Variants in UGGT2 observed in about 807,000 individuals in gnomAD.
The protein encoded by UGGT2 is UDP-glucose:glycoprotein glucosyltransferase 2.
A neutral mutation model predicts 192.1 loss-of-function variants in UGGT2; 180 were observed. The observed-to-expected ratio is 0.94, with a 90% confidence interval of 0.83 to 1.06. The LOEUF (loss-of-function observed/expected upper bound fraction) is 1.06, where lower values mean the gene tolerates loss of function less well. UGGT2 is among the 50% of genes least tolerant of loss of function. The pLI is 0.00. For synonymous variants in UGGT2, 580 were observed against 591.0 expected (o/e 0.98, Z 0.27); for missense variants, 1,849 against 1,795.7 (o/e 1.03, Z -0.54).
chr13:95,823,562 G>C (rs1293576122), intron 38 of UGGT2, among the ~76,000 whole-genome samples: 1 of 151,952 alleles, frequency 6.6e-6, no homozygotes, highest in African/African-American at 2.4e-5. Flanking sequence ...TGTTTTGTCT[G>C]ATATAAGAAT....
At chr13:96,036,380 C>T (rs1028548794) in intron 1 of UGGT2, among the ~76,000 whole-genome samples, 3 of 152,010 alleles carry the variant, frequency 2.0e-5, no homozygotes, top group Non-Finnish European at 1.5e-5. Context: ...ATGGGGGTAA[C>T]GACACACACT....
In UGGT2 at chr13:95,900,795, T is replaced by C; in HGVS notation, c.2634+12A>G. ...TCACTGAGAAAAGAGAGCAATAGCT[T>C]TTTCTACTTACTCTCCCATTGCTGA... On this transcript the variant is annotated intron_variant, in intron 22 of 38. Transcript: ENST00000376747. 6.2e-7 allele frequency: 1 copy of C among 1,602,452 alleles called. No homozygotes were observed. The highest frequency in any genetic ancestry group is 8.5e-7 in the Non-Finnish European group (1 of 1,175,482).
rs530195483 is a variant in UGGT2, at chr13:95,969,835, T to C, written c.1335+277A>G. On this transcript the variant is annotated intron_variant, in intron 12 of 38. Coordinates refer to ENST00000376747, the MANE Select transcript of UGGT2 (RefSeq NM_020121.4). ...TTTTAACCATGTATTTGGTGTCTTG[T>C]TGTTATTGTTCATGTGGTTATTCTG... Among the ~76,000 whole-genome samples, 3 of 152,310 alleles carry C rather than the reference T, an allele frequency of 2.0e-5. No homozygotes were observed. In the South Asian group the frequency reaches 6.2e-4, roughly 32 times the overall value.
intron 38 of UGGT2, among the ~76,000 whole-genome samples, chr13:95,817,053 G>A (rs374416838): frequency 5.3e-5 from 8 of 152,080 alleles, no homozygotes; most frequent in African/African-American, 1.7e-4. Flanking sequence ...GCTTGAACCC[G>A]GGAGGTGGAG....
At chr13:95,982,394 C>T (rs1594503555) in intron 10 of UGGT2, among the ~76,000 whole-genome samples, 1 of 152,224 alleles carries the variant, frequency 6.6e-6, no homozygotes, top group Non-Finnish European at 1.5e-5. Flanking sequence ...AAAACGGCAG[C>T]TCCATCTTCC....
rs1328220878 is a variant in UGGT2, at chr13:95,853,588, A to C, written c.4239T>G (p.Tyr1413Ter). The change falls in exon 36 of 39, where the codon TAT becomes TAG. Residue 1413 changes from tyrosine to a stop codon, truncating the protein, a stop_gained. Coordinates refer to ENST00000376747, the MANE Select transcript of UGGT2 (RefSeq NM_020121.4). LOFTEE classifies it high-confidence loss of function. Reference sequence around the variant, plus strand: ...TGTTTGGATCTTGACTGAGAGCTTGATACTGGCTCCTGAGCCTGTCACCTG... The same window carrying C: ...TGTTTGGATCTTGACTGAGAGCTTGCTACTGGCTCCTGAGCCTGTCACCTG... ...IGAGDRLRSQ[Y>*]QALSQDPNSL... The C allele has an allele frequency of 1.2e-6, 2 of 1,611,058 alleles. No homozygotes were observed. Among genetic ancestry groups the C allele is most frequent in the Admixed American group, 1.7e-5 (1 of 59,344 alleles).
In UGGT2 at chr13:95,926,035, G is replaced by GT. The variant is rs2049005657; in HGVS notation, c.2201-262dup. On this transcript the variant is annotated intron_variant, in intron 19 of 38. Transcript: ENST00000376747. ...TTATATAAAGCTTCCGGTTAGAAGAGTAACTCATTATATAAGCTTATATAA... is the reference window on the plus strand; with the variant it reads ...TTATATAAAGCTTCCGGTTAGAAGAGTTAACTCATTATATAAGCTTATATAA... Among the ~76,000 whole-genome samples the GT allele has an allele frequency of 5.3e-5, 8 of 151,784 alleles. No homozygotes were observed. The South Asian group carries it at 1.5e-3, about 28-fold the overall frequency.
At chr13:95,911,674 C>T (rs2048502701) in intron 20 of UGGT2, among the ~76,000 whole-genome samples, 1 of 151,986 alleles carries the variant, frequency 6.6e-6, no homozygotes, top group African/African-American at 2.4e-5. Context: ...GAGCTGGTAC[C>T]ATTCCCTCTG....
intron 9 of UGGT2, among the ~76,000 whole-genome samples, chr13:95,985,993 T>G (rs1293925451): frequency 3.3e-5 from 5 of 152,116 alleles, no homozygotes; most frequent in Admixed American, 1.3e-4. Context: ...CTTTTTATCA[T>G]CCTCCATAAG....
intron 29 of UGGT2, among the ~76,000 whole-genome samples, chr13:95,872,283 A>G (rs1404977093): frequency 1.3e-5 from 2 of 152,224 alleles, no homozygotes; most frequent in African/African-American, 2.4e-5. Context: ...ATGACTACAA[A>G]AAGATTGACA....
At chr13:95,888,363 G>C (rs1010658079) in intron 25 of UGGT2, among the ~76,000 whole-genome samples, 9 of 152,074 alleles carry the variant, frequency 5.9e-5, no homozygotes, top group African/African-American at 1.4e-4. Flanking sequence ...GATTCTTTTG[G>C]GATTTGGAAG....
intron 12 of UGGT2, among the ~76,000 whole-genome samples, chr13:95,951,994 G>A (rs1220152356): frequency 2.0e-5 from 3 of 151,824 alleles, no homozygotes; most frequent in Admixed American, 2.0e-4. Flanking sequence ...GGAGGCAGAG[G>A]TTGTGGTAAG....
intron 1 of UGGT2, among the ~76,000 whole-genome samples, chr13:96,045,384 G>A (rs2053279655): frequency 6.6e-6 from 1 of 152,128 alleles, no homozygotes; most frequent in African/African-American, 2.4e-5. Context: ...ACATAATACT[G>A]AATGGGGAAA....
chr13:95,950,619 A>AC (rs1237468223), intron 12 of UGGT2, among the ~76,000 whole-genome samples: 2 of 151,440 alleles, frequency 1.3e-5, no homozygotes, highest in Non-Finnish European at 2.9e-5. Flanking sequence ...ACAATAAAAA[A>AC]CCCCAAAGAT....
chr13:95,929,186 G>A (rs1566713736), intron 17 of UGGT2, among the ~76,000 whole-genome samples: 1 of 152,210 alleles, frequency 6.6e-6, no homozygotes, highest in African/African-American at 2.4e-5. Flanking sequence ...AGATGAGGGA[G>A]AGGGGGAGGG....
At chr13:95,854,229 A>G in intron 35 of UGGT2, 86 bp downstream of exon 35, 1 of 1,452,432 alleles carries the variant, frequency 6.9e-7, no homozygotes, top group Non-Finnish European at 9.3e-7. Flanking sequence ...AATTTTTAAG[A>G]AAACTGTGTA....
intron 36 of UGGT2, among the ~76,000 whole-genome samples, chr13:95,850,168 AT>A (rs1888894020): frequency 6.6e-6 from 1 of 152,102 alleles, no homozygotes; most frequent in Admixed American, 6.6e-5. Flanking sequence ...TCTAAGAACT[AT>A]TTTAGTTGCT....
chr13:95,891,446 C>T (rs987850373), intron 24 of UGGT2, among the ~76,000 whole-genome samples: 1 of 151,890 alleles, frequency 6.6e-6, no homozygotes, highest in Non-Finnish European at 1.5e-5. Flanking sequence ...TATTTTGATC[C>T]CAGTCTTCCT....
rs559200350 is a variant in UGGT2 at position 95,978,857 on chromosome 13, A to G, written c.1092+4947T>C. Among the ~76,000 whole-genome samples, 803 of 152,360 alleles carry G rather than the reference A, an allele frequency of 5.3e-3. 11 individuals are homozygous for G. The highest frequency in any genetic ancestry group is 0.018 in the African/African-American group (768 of 41,592). On this transcript the variant is annotated intron_variant, in intron 10 of 38. Transcript: ENST00000376747. ...TGATTTACAGATGTAGTTTTGAGAG[A>G]TGATGTTCTAATATAGGTAATGTCT...
Sources: gnomAD v4.1 joint callset for allele counts (sites outside exome capture counted in the v4.1 genomes callset) on GRCh38, gnomAD v4.1.1 for gene constraint, MANE v1.5 for transcripts, NCBI Gene and HGNC (gene_info 2026-07-23, HGNC 2026-07-21) for gene names.